The following GALNT13 variants were observed in gnomAD, a reference collection of about 807,000 sequenced individuals.
GALNT13 encodes polypeptide N-acetylgalactosaminyltransferase 13.
GALNT13 carries 28 observed loss-of-function variants against 64.2 expected under a neutral mutation model. That is an observed-to-expected ratio of 0.44 (90% CI 0.32 to 0.60). The LOEUF (loss-of-function observed/expected upper bound fraction) is 0.60, where lower values mean the gene tolerates loss of function less well. Ranked by LOEUF, GALNT13 falls within the 20% of genes least tolerant of loss-of-function variation. The pLI, the probability that GALNT13 is intolerant of heterozygous loss-of-function variation, is 0.05. For synonymous variants in GALNT13, 214 were observed against 224.6 expected, an observed-to-expected ratio of 0.95 and a Z score of 0.42; for missense variants, 577 against 669.8, an observed-to-expected ratio of 0.86 and a Z score of 1.53.
At chr2:154,176,474 G>A (rs533971915) in intron 4 of GALNT13, among the ~76,000 whole-genome samples, 2 of 151,734 alleles carry the variant, frequency 1.3e-5, no homozygotes, top group African/African-American at 2.4e-5. Context: ...GGATGGTCTC[G>A]ATCTCCTGAC....
At chr2:154,009,943 T>C (rs1465601783) in intron 3 of GALNT13, among the ~76,000 whole-genome samples, 2 of 152,174 alleles carry the variant, frequency 1.3e-5, no homozygotes, top group South Asian at 4.1e-4. Flanking sequence ...ATTATGTTCT[T>C]GATTTGGCAC....
chr2:153,359,145 T>A, the GALNT13 span, among the ~76,000 whole-genome samples: 49 of 152,248 alleles, frequency 3.2e-4, no homozygotes, highest in Non-Finnish European at 6.6e-4. Context: ...TAATTATCAA[T>A]GATTTTTACA....
the GALNT13 span, among the ~76,000 whole-genome samples, chr2:153,838,398 T>G: frequency 6.6e-6 from 1 of 152,048 alleles, no homozygotes; most frequent in Non-Finnish European, 1.5e-5. Flanking sequence ...TATTTAAGTC[T>G]TTAATTCACT....
intron 11 of GALNT13, among the ~76,000 whole-genome samples, chr2:154,421,581 TGAA>T (rs1471746323): frequency 7.5e-6 from 1 of 133,116 alleles, no homozygotes; most frequent in Non-Finnish European, 1.6e-5. Context: ...GTATAAATGA[TGAA>T]GAAAAATTAT....
chr2:153,959,236 A>G (rs1692778247), intron 3 of GALNT13, among the ~76,000 whole-genome samples: 1 of 152,174 alleles, frequency 6.6e-6, no homozygotes, highest in African/African-American at 2.4e-5. Flanking sequence ...GTGTCAACCA[A>G]TGAGGGTCCC....
chr2:154,018,993 A>G (rs1697228923), intron 3 of GALNT13, among the ~76,000 whole-genome samples: 1 of 152,114 alleles, frequency 6.6e-6, no homozygotes, highest in Non-Finnish European at 1.5e-5. Flanking sequence ...AACGAGAGAG[A>G]GAGATTGACT....
chr2:153,496,367 C>T, the GALNT13 span, among the ~76,000 whole-genome samples: 1 of 152,112 alleles, frequency 6.6e-6, no homozygotes, highest in Non-Finnish European at 1.5e-5. Context: ...TGTATACATC[C>T]AATTTCTTCT....
the GALNT13 span, among the ~76,000 whole-genome samples, chr2:153,851,923 G>A: frequency 3.9e-5 from 6 of 152,114 alleles, no homozygotes; most frequent in Non-Finnish European, 8.8e-5. Flanking sequence ...AGGGGAAAAC[G>A]AAGTATACTT....
chr2:154,165,920 C>G (rs1021047041), intron 4 of GALNT13, among the ~76,000 whole-genome samples: 1 of 152,152 alleles, frequency 6.6e-6, no homozygotes, highest in Non-Finnish European at 1.5e-5. Context: ...GAGTATTGAA[C>G]AGAGTCACTT....
At chr2:154,216,155 A>G (rs1046883234) in intron 4 of GALNT13, among the ~76,000 whole-genome samples, 16 of 152,034 alleles carry the variant, frequency 1.1e-4, no homozygotes, top group Non-Finnish European at 1.9e-4. Context: ...AACACATCTT[A>G]TGTGTAGTAA....
At chr2:153,248,279 A>G in the GALNT13 span, among the ~76,000 whole-genome samples, 7 of 152,320 alleles carry the variant, frequency 4.6e-5, no homozygotes, top group Non-Finnish European at 8.8e-5. Flanking sequence ...TTTTAGGCCA[A>G]CATCCCTGAT....
chr2:153,717,812 G>T, the GALNT13 span, among the ~76,000 whole-genome samples: 7 of 152,098 alleles, frequency 4.6e-5, no homozygotes, highest in Admixed American at 1.3e-4. Context: ...AATTTAAAAG[G>T]CTGTAAAGCA....
At chr2:153,591,885 T>C in the GALNT13 span, among the ~76,000 whole-genome samples, 3 of 151,908 alleles carry the variant, frequency 2.0e-5, no homozygotes, top group Non-Finnish European at 2.9e-5. Context: ...ACAGGGTAAA[T>C]AGATAACCTG....
intron 9 of GALNT13, among the ~76,000 whole-genome samples, chr2:154,380,966 C>A (rs1484577173): frequency 9.2e-5 from 14 of 152,046 alleles, no homozygotes; most frequent in Admixed American, 9.2e-4. Context: ...TACAACATGG[C>A]AGTTTGCTTC....
chr2:154,159,822 T>C (rs1179820918), intron 4 of GALNT13, among the ~76,000 whole-genome samples: 1 of 152,188 alleles, frequency 6.6e-6, no homozygotes, highest in African/African-American at 2.4e-5. Context: ...TAATGATAGC[T>C]AAGAGAAGAC....
At chr2:153,328,193 A>T in the GALNT13 span, among the ~76,000 whole-genome samples, 468 of 152,258 alleles carry the variant, frequency 3.1e-3, 19 homozygotes, top group East Asian at 0.083. Context: ...CCTGAGGGGC[A>T]GTTGCCAGAT....
chr2:153,216,137 T>C, the GALNT13 span, among the ~76,000 whole-genome samples: 1 of 152,086 alleles, frequency 6.6e-6, no homozygotes, highest in Non-Finnish European at 1.5e-5. Flanking sequence ...TTCACCAATA[T>C]TGTTGTGTGA....
rs552176611 is a variant in GALNT13, at chr2:154,128,780, C to T, written c.143-11557C>T. 7.9e-5 allele frequency among the ~76,000 whole-genome samples: 12 copies of T among 152,100 alleles called. No homozygotes were observed. The East Asian group carries it at 1.2e-3, about 15-fold the overall frequency. ...AATGCTCCAATTCAAATTACAATGC[C>T]TCTTACAGCATGTATACCTCAGTTT... On this transcript the variant is annotated intron_variant, in intron 3 of 12. Transcript: ENST00000392825.
intron 11 of GALNT13, among the ~76,000 whole-genome samples, chr2:154,412,443 C>T (rs1271249670): frequency 6.6e-6 from 1 of 151,658 alleles, no homozygotes; most frequent in Non-Finnish European, 1.5e-5. Flanking sequence ...TTATAAGTAG[C>T]CCCCAACCCA....
Sources: gnomAD v4.1 joint callset for allele counts (sites outside exome capture counted in the v4.1 genomes callset) on GRCh38, gnomAD v4.1.1 for gene constraint, MANE v1.5 for transcripts, NCBI Gene and HGNC (gene_info 2026-07-23, HGNC 2026-07-21) for gene names.